Variants in GAMT observed in about 807,000 individuals in gnomAD.
GAMT encodes the protein epididymis secretory protein Li 20.
A neutral mutation model predicts 26.9 loss-of-function variants in GAMT; 26 were observed. The observed-to-expected ratio is 0.97, with a 90% confidence interval of 0.71 to 1.34. The LOEUF (loss-of-function observed/expected upper bound fraction) is 1.34. GAMT is among the 40% of genes most tolerant of loss of function. The probability of loss-of-function intolerance (pLI) is 0.00; values close to 1 mark genes in which losing one functional copy is unlikely to be tolerated. For synonymous variants in GAMT, 169 were observed against 149.6 expected, an observed-to-expected ratio of 1.13 and a Z score of -0.95; for missense variants, 412 against 345.0, an observed-to-expected ratio of 1.19 and a Z score of -1.54.
intron 5 of GAMT, chr19:1,397,708 C>T (rs2082608844): frequency 3.5e-6 from 5 of 1,408,626 alleles, no homozygotes; most frequent in Admixed American, 2.6e-5. Context: ...CCCGGCTGTC[C>T]TGGAACCCCA....
At chr19:1,398,498 C>T (rs988958940) in intron 5 of GAMT, 4 of 534,538 alleles carry the variant, frequency 7.5e-6, no homozygotes, top group East Asian at 2.9e-5. Flanking sequence ...TGCAGTGGTT[C>T]GATCTGGGCT....
chr19:1,399,278 G>T lies in GAMT; in HGVS notation c.392-83C>A. The T allele has an allele frequency of 6.7e-7, 1 of 1,490,152 alleles. No homozygotes were observed. Among genetic ancestry groups the T allele is most frequent in the Non-Finnish European group, 9.4e-7 (1 of 1,069,012 alleles). The allele number at this position is 1,490,152 out of a possible 1,614,324, so 92.3% of individuals were successfully genotyped here. ...TCACCCGGCTCATCCCCCAGCGGGT[G>T]GAGGTGCAGTGAGACGGGGCCGTGG... On this transcript the variant is annotated intron_variant, in intron 3 of 5. Transcript: ENST00000252288. This position sits in a 1 kb window ranked among gnomAD's most constrained non-coding sequence, Gnocchi z 6.2.
chr19:1,401,229 G>A (rs2082631596), intron 1 of GAMT, 67 bp downstream of exon 1: 1 of 1,268,800 alleles, frequency 7.9e-7, no homozygotes, highest in African/African-American at 1.6e-5. Context: ...GAGTCCCCGG[G>A]TCGGGGCAGC....
chr19:1,399,938 C>A lies in GAMT; in HGVS notation c.182G>T (p.Gly61Val). 6.2e-7 allele frequency: 1 copy of A among 1,605,754 alleles called. No individual in the cohort carries two copies. Among genetic ancestry groups the A allele is most frequent in the Non-Finnish European group, 8.5e-7 (1 of 1,177,428 alleles). The part of the protein sequence containing the change: ...HALAAAASSK[G>V]GRVLEVGFGM... Reference sequence around the variant, plus strand: ...AAAGCCCACCTCCAGGACCCGGCCCCCTGGGCAGACACAGGGCGCCTGGCA... The same window carrying A: ...AAAGCCCACCTCCAGGACCCGGCCCACTGGGCAGACACAGGGCGCCTGGCA... Residue 61 changes from glycine (G) to valine (V), a missense_variant and splice_region_variant, in exon 2 of 6, where the codon GGG (glycine) becomes GTG (valine). Gly to Val is a moderately radical substitution (Grantham distance 109). Transcript: ENST00000252288. This position sits in a 1 kb window ranked among gnomAD's most constrained non-coding sequence, Gnocchi z 6.2.
intron 5 of GAMT, 186 bp from the exon 6 acceptor site, chr19:1,397,685 C>T (rs1325949060): frequency 2.1e-5 from 29 of 1,372,508 alleles, no homozygotes; most frequent in South Asian, 1.5e-4. Flanking sequence ...CTCCCCAGTG[C>T]GGGCAGCAGC....
Position 1,401,313 on chromosome 19 carries a change from G to A in GAMT, c.164C>T (p.Ala55Val), listed in dbSNP as rs1323907931. The change falls in exon 1 of 6, where the codon GCC becomes GTC. Residue 55 changes from alanine (A) to valine (V), a missense_variant. Transcript: ENST00000252288. ...WETPYMHALAAAASSKGGRVL... is the reference protein window; with the variant it reads ...WETPYMHALAVAASSKGGRVL... ...GGGGCTACCTTTGGAGGAGGCGGCG[G>A]CGGCCAGCGCGTGCATATAGGGGGT... 6.6e-7 allele frequency: 1 copy of A among 1,514,978 alleles called. No homozygotes were observed. The highest frequency in any genetic ancestry group is 1.2e-5 in the South Asian group (1 of 81,446). 93.8% of individuals were successfully genotyped at this position (1,514,978 alleles called of 1,614,324 possible). A position where few individuals can be genotyped will look rare whatever the true frequency, so the allele number is the denominator to read the frequency against.
rs991518897 is a variant in GAMT, at chr19:1,397,878, C to T, written c.571-379G>A. The stretch of plus-strand genomic sequence containing the variant: ...CCAGGGGCCACAGGCACCCAGCCGG[C>T]TCTCACAACAGCAGCCCAGGGCAAC... On this transcript the variant is annotated intron_variant, in intron 5 of 5. Coordinates refer to ENST00000252288, the MANE Select transcript of GAMT (RefSeq NM_000156.6). 8 of 1,140,760 alleles carry T rather than the reference C, an allele frequency of 7.0e-6. No individual in the cohort carries two copies. The African/African-American group carries it at 1.3e-4, about 18-fold the overall frequency. 70.7% of individuals were successfully genotyped at this position (1,140,760 alleles called of 1,614,324 possible).
At position 1,399,707 on chromosome 19, in the gene GAMT, G is replaced by C. The variant is rs1422212956; in HGVS notation, c.327+86C>G. 2 of 1,527,362 alleles carry C rather than the reference G, an allele frequency of 1.3e-6. No homozygotes were observed. The highest frequency in any genetic ancestry group is 1.8e-6 in the Non-Finnish European group (2 of 1,136,434). The allele number at this position is 1,527,362 out of a possible 1,614,324, so 94.6% of individuals were successfully genotyped here. On this transcript the variant is annotated intron_variant, in intron 2 of 5. Transcript: ENST00000252288. This position sits in a 1 kb window ranked among gnomAD's most constrained non-coding sequence, Gnocchi z 6.2. ...AGAGAAGACCACCTCCTCCACCTCT[G>C]ACAGCCCCAGGCCCCCAACCCCCAG...
In GAMT at chr19:1,399,290, A is replaced by C. The variant is rs1035762506; in HGVS notation, c.392-95T>G. ...TCCCCCAGCGGGTGGAGGTGCAGTG[A>C]GACGGGGCCGTGGGTAGAGGTGGGG... On this transcript the variant is annotated intron_variant, in intron 3 of 5. Coordinates refer to ENST00000252288, the MANE Select transcript of GAMT (RefSeq NM_000156.6). This position sits in a 1 kb window ranked among gnomAD's most constrained non-coding sequence, Gnocchi z 6.2. The C allele has an allele frequency of 1.4e-6, 2 of 1,402,258 alleles. No homozygotes were observed. The highest frequency in any genetic ancestry group is 2.0e-6 in the Non-Finnish European group (2 of 990,422). The allele number at this position is 1,402,258 out of a possible 1,614,324, so 86.9% of individuals were successfully genotyped here. A position where few individuals can be genotyped will look rare whatever the true frequency, so the allele number is the denominator to read the frequency against.
Position 1,399,200 on chromosome 19 carries a change from A to G in GAMT, c.392-5T>C, listed in dbSNP as rs764210675. 6.2e-7 allele frequency: 1 copy of G among 1,613,320 alleles called. No homozygotes were observed. Among genetic ancestry groups the G allele is most frequent in the East Asian group, 2.2e-5 (1 of 44,882 alleles). On this transcript the variant is annotated splice_polypyrimidine_tract_variant and splice_region_variant and intron_variant, in intron 3 of 5. Coordinates refer to ENST00000252288, the MANE Select transcript of GAMT (RefSeq NM_000156.6). The surrounding 1 kb of genome is among the most constrained non-coding windows in gnomAD (Gnocchi z 6.2). ...GGTACGTGTCGTACAGGATCCCTGC[A>G]CGGAGAACAGAAGCCCACGCGGTCA...
At chr19:1,400,026 G>A in intron 1 of GAMT, 88 bp from the exon 2 acceptor site, 1 of 1,485,478 alleles carries the variant, frequency 6.7e-7, no homozygotes, top group Non-Finnish European at 9.1e-7. Flanking sequence ...GGCAGGGCTG[G>A]GGAGACTGCC....
Position 1,399,576 on chromosome 19 carries a change from C to A in GAMT, c.339G>T (p.Leu113Phe). 1 of 1,612,986 alleles carries A rather than the reference C, an allele frequency of 6.2e-7. No homozygotes were observed. Among genetic ancestry groups the A allele is most frequent in the African/African-American group, 1.3e-5 (1 of 75,030 alleles). The change falls in exon 3 of 6, where the codon TTG becomes TTT. Residue 113 changes from leucine to phenylalanine, a missense_variant. Physicochemically the swap from Leu to Phe is conservative, Grantham distance 22. Coordinates refer to ENST00000252288, the MANE Select transcript of GAMT (RefSeq NM_000156.6). The surrounding 1 kb of genome is among the most constrained non-coding windows in gnomAD (Gnocchi z 6.2). ...APRQTHKVIP[L>F]KGLWEDVAPT... is the part of the protein sequence containing the mutation. ...GTGCCACATCCTCCCACAGGCCTTT[C>A]AAGGGGATGACCTTGCAGAGGGGAA...
chr19:1,399,069 T>C lies in GAMT; in HGVS notation c.460-43A>G, dbSNP rs1486489083. 1.9e-6 allele frequency: 3 copies of C among 1,612,324 alleles called. No homozygotes were observed. In the African/African-American group the frequency reaches 4.0e-5, roughly 22 times the overall value. On this transcript the variant is annotated intron_variant, in intron 4 of 5. Transcript: ENST00000252288. The surrounding 1 kb of genome is among the most constrained non-coding windows in gnomAD (Gnocchi z 6.2). ...CCAGTGGTCAGGACGGAGGTGGGGGTGTGGGCAGAGGGGCTTCCCCGAGGG... is the reference window on the plus strand; with the variant it reads ...CCAGTGGTCAGGACGGAGGTGGGGGCGTGGGCAGAGGGGCTTCCCCGAGGG...
chr19:1,399,055 G>A lies in GAMT; in HGVS notation c.460-29C>T. 1 of 1,613,358 alleles carries A rather than the reference G, an allele frequency of 6.2e-7. No individual in the cohort carries two copies. The highest frequency in any genetic ancestry group is 8.5e-7 in the Non-Finnish European group (1 of 1,180,010). ...TGGAAGGGGAGTGGCCAGTGGTCAGGACGGAGGTGGGGGTGTGGGCAGAGG... is the reference window on the plus strand; with the variant it reads ...TGGAAGGGGAGTGGCCAGTGGTCAGAACGGAGGTGGGGGTGTGGGCAGAGG... On this transcript the variant is annotated intron_variant, in intron 4 of 5. Transcript: ENST00000252288. This position sits in a 1 kb window ranked among gnomAD's most constrained non-coding sequence, Gnocchi z 6.2.
In GAMT at chr19:1,399,491, G is replaced by T; in HGVS notation, c.391+33C>A. Reference sequence around the variant, plus strand: ...GAGGGGCTGCATTGGAGCTGGGGAGGCCCACCCTGTGATACGTCCCCTCAC... The same window carrying T: ...GAGGGGCTGCATTGGAGCTGGGGAGTCCCACCCTGTGATACGTCCCCTCAC... On this transcript the variant is annotated intron_variant, in intron 3 of 5. Coordinates refer to ENST00000252288, the MANE Select transcript of GAMT (RefSeq NM_000156.6). This position sits in a 1 kb window ranked among gnomAD's most constrained non-coding sequence, Gnocchi z 6.2. The T allele has an allele frequency of 1.3e-6, 2 of 1,592,564 alleles. No individual in the cohort carries two copies. The highest frequency in any genetic ancestry group is 1.7e-6 in the Non-Finnish European group (2 of 1,164,964).
chr19:1,399,666 CA>C lies in GAMT; in HGVS notation c.328-80del. 2.6e-6 allele frequency: 4 copies of C among 1,537,218 alleles called. No individual in the cohort carries two copies. Among genetic ancestry groups the C allele is most frequent in the Non-Finnish European group, 3.5e-6 (4 of 1,135,210 alleles). On this transcript the variant is annotated intron_variant, in intron 2 of 5. Coordinates refer to ENST00000252288, the MANE Select transcript of GAMT (RefSeq NM_000156.6). This position sits in a 1 kb window ranked among gnomAD's most constrained non-coding sequence, Gnocchi z 6.2. ...TCCCCACCTGCAGAAAGGGAGCGGC[CA>C]GGGGGACTCCCGAGAGAGAAGACCA...
intron 1 of GAMT, among the ~76,000 whole-genome samples, chr19:1,400,542 C>T (rs1022415840): frequency 2.6e-5 from 4 of 152,162 alleles, no homozygotes; most frequent in Admixed American, 1.3e-4. Flanking sequence ...GCCCAGCCCA[C>T]GCTGTTTGTC....
At position 1,397,152 on chromosome 19, in the gene GAMT, A is replaced by C; in HGVS notation, c.*207T>G. On this transcript the variant is annotated 3_prime_UTR_variant, in exon 6 of 6. Coordinates refer to ENST00000252288, the MANE Select transcript of GAMT (RefSeq NM_000156.6). ...TCACCTCAGGGACCCTGCAGTGGGCAGCAGTGACCCTCACAGAGAAGCTGG... is the reference window on the plus strand; with the variant it reads ...TCACCTCAGGGACCCTGCAGTGGGCCGCAGTGACCCTCACAGAGAAGCTGG... The C allele has an allele frequency of 1.6e-6, 1 of 630,256 alleles. No homozygotes were observed. The allele number at this position is 630,256 out of a possible 1,614,324, so 39.0% of individuals were successfully genotyped here.
intron 5 of GAMT, chr19:1,397,783 G>A (rs2082609260): frequency 9.7e-6 from 13 of 1,337,190 alleles, no homozygotes; most frequent in Admixed American, 3.2e-5. Context: ...CAGTGTGGCG[G>A]GTGGAGCCAA....
Sources: allele counts gnomAD v4.1 joint callset (sites outside exome capture counted in the v4.1 genomes callset), GRCh38; gene constraint gnomAD v4.1.1; non-coding constraint Gnocchi (gnomAD v3.1); transcripts MANE v1.5; gene names NCBI Gene and HGNC (gene_info 2026-07-23, HGNC 2026-07-21).